The following ELMO1 variants were observed in gnomAD, a reference collection of about 807,000 sequenced individuals.
The protein encoded by ELMO1 is engulfment and cell motility 1.
A neutral mutation model predicts 98.9 loss-of-function variants in ELMO1; 26 were observed. The observed-to-expected ratio is 0.26, with a 90% CI of 0.19 to 0.36. The LOEUF (loss-of-function observed/expected upper bound fraction) is 0.36, where lower values mean the gene tolerates loss of function less well. Ranked by LOEUF, ELMO1 falls within the 10% of genes least tolerant of loss-of-function variation. The pLI is 1.00. For missense variants in ELMO1, 627 were observed against 935.2 expected (o/e 0.67, Z 4.30); for synonymous variants, 346 against 346.0 (o/e 1.00, Z 0.00).
intron 16 of ELMO1, among the ~76,000 whole-genome samples, chr7:36,978,609 G>T (rs1790782780): frequency 6.6e-6 from 1 of 152,116 alleles, no homozygotes. Flanking sequence ...AGATTTATGG[G>T]CCATCTGCTG....
intron 20 of ELMO1, among the ~76,000 whole-genome samples, chr7:36,862,600 C>G (rs1802723567): frequency 6.6e-6 from 1 of 152,196 alleles, no homozygotes; most frequent in African/African-American, 2.4e-5. Context: ...TCTGAGCGGT[C>G]AGCAGAAGAT....
At chr7:36,951,452 A>G (rs553413990) in intron 16 of ELMO1, among the ~76,000 whole-genome samples, 1 of 152,198 alleles carries the variant, frequency 6.6e-6, no homozygotes, top group Non-Finnish European at 1.5e-5. Flanking sequence ...TTTCCTCCAC[A>G]CTTCACATAC....
At chr7:37,280,463 G>A (rs1373353709) in intron 4 of ELMO1, among the ~76,000 whole-genome samples, 1 of 151,972 alleles carries the variant, frequency 6.6e-6, no homozygotes. Flanking sequence ...TATGAAAAAG[G>A]ATTGATATCC....
intron 1 of ELMO1, among the ~76,000 whole-genome samples, chr7:37,407,671 G>T (rs1023595232): frequency 5.3e-5 from 8 of 152,210 alleles, no homozygotes; most frequent in Non-Finnish European, 1.0e-4. Flanking sequence ...TATGCAGTGA[G>T]AGAGGGATGC....
At chr7:37,040,536 ACT>A (rs1795445883) in intron 15 of ELMO1, among the ~76,000 whole-genome samples, 1 of 152,116 alleles carries the variant, frequency 6.6e-6, no homozygotes. Context: ...GACACGCAGA[ACT>A]CTGTGGATGC....
At chr7:36,889,516 T>A (rs1217144598) in intron 17 of ELMO1, among the ~76,000 whole-genome samples, 1 of 152,166 alleles carries the variant, frequency 6.6e-6, no homozygotes, top group Non-Finnish European at 1.5e-5. Flanking sequence ...TACCAGAGGA[T>A]GGAGAAAATC....
chr7:36,977,640 G>T (rs1351152092), intron 16 of ELMO1, among the ~76,000 whole-genome samples: 1 of 152,206 alleles, frequency 6.6e-6, no homozygotes, highest in Non-Finnish European at 1.5e-5. Context: ...TCTCCTTGGA[G>T]GTTGCTTTGT....
intron 13 of ELMO1, among the ~76,000 whole-genome samples, chr7:37,164,716 T>C (rs1238344966): frequency 1.3e-5 from 2 of 150,126 alleles, no homozygotes; most frequent in Non-Finnish European, 3.0e-5. Context: ...TTGGTACCAG[T>C]ACCATGCTGT....
In ELMO1 at chr7:37,092,366, C is replaced by CTTTTTTTTTTTTTTTTTTTTTTTTTTT. The variant is rs537388417; in HGVS notation, c.1300+4226_1300+4252dup. Among the ~76,000 whole-genome samples, 3 of 68,916 alleles carry CTTTTTTTTTTTTTTTTTTTTTTTTTTT rather than the reference C, an allele frequency of 4.4e-5. 1 individual carries two copies. Among genetic ancestry groups the CTTTTTTTTTTTTTTTTTTTTTTTTTTT allele is most frequent in the African/African-American group, 1.4e-4 (3 of 21,970 alleles). 45.2% of individuals were successfully genotyped at this position (68,916 alleles called of 152,430 possible). ...ACTTGCAAAAAAAATTACCCATATT[C>CTTTTTTTTTTTTTTTTTTTTTTTTTTT]TTTTTTTTTTTTTTTTTTTTTTTTT... On this transcript the variant is annotated intron_variant, in intron 15 of 21. Transcript: ENST00000310758.
At chr7:37,302,858 G>A (rs1023398853) in intron 4 of ELMO1, among the ~76,000 whole-genome samples, 6 of 152,114 alleles carry the variant, frequency 3.9e-5, no homozygotes, top group Non-Finnish European at 8.8e-5. Flanking sequence ...ATAAATTATT[G>A]TAACTTGATT....
rs572246417 is a variant in ELMO1 at position 36,877,087 on chromosome 7, G to A, written c.1822+923C>T. 2.6e-5 allele frequency among the ~76,000 whole-genome samples: 4 copies of A among 152,284 alleles called. No homozygotes were observed. The East Asian group carries it at 7.7e-4, about 29-fold the overall frequency. ...TTCAATGGCCGTGAGCTGTGAGGAA[G>A]GTAATCCAGATTTGACTTCCATGGG... On this transcript the variant is annotated intron_variant, in intron 19 of 21. Coordinates refer to ENST00000310758, the MANE Select transcript of ELMO1 (RefSeq NM_014800.11).
intron 13 of ELMO1, among the ~76,000 whole-genome samples, chr7:37,206,632 A>T (rs1792638677): frequency 6.6e-6 from 1 of 152,224 alleles, no homozygotes; most frequent in African/African-American, 2.4e-5. Flanking sequence ...ATCTTCCATC[A>T]CCCAAGAAGG....
intron 4 of ELMO1, among the ~76,000 whole-genome samples, chr7:37,309,714 A>G (rs1376352643): frequency 6.6e-6 from 1 of 152,244 alleles, no homozygotes; most frequent in African/African-American, 2.4e-5. Flanking sequence ...TGATTTAAGC[A>G]AAGGGGCGGG....
intron 15 of ELMO1, among the ~76,000 whole-genome samples, chr7:37,083,304 G>T (rs1347254200): frequency 6.6e-6 from 1 of 152,176 alleles, no homozygotes; most frequent in Non-Finnish European, 1.5e-5. Flanking sequence ...AGTCTATTAA[G>T]CTTGCTGATT....
At chr7:37,166,225 C>T (rs1430624248) in intron 13 of ELMO1, among the ~76,000 whole-genome samples, 4 of 152,094 alleles carry the variant, frequency 2.6e-5, no homozygotes, top group Non-Finnish European at 4.4e-5. Flanking sequence ...TGATTCTTCT[C>T]TCTTTTTTTC....
At chr7:37,223,782 G>A (rs1793722729) in intron 9 of ELMO1, among the ~76,000 whole-genome samples, 1 of 152,180 alleles carries the variant, frequency 6.6e-6, no homozygotes, top group African/African-American at 2.4e-5. Flanking sequence ...CTCAGCTTCT[G>A]TGACTTAAAT....
chr7:37,143,986 C>T (rs1190227537), intron 13 of ELMO1, among the ~76,000 whole-genome samples: 1 of 152,108 alleles, frequency 6.6e-6, no homozygotes, highest in East Asian at 1.9e-4. Flanking sequence ...GCTGGGATTA[C>T]AAGTGTGAGC....
intron 13 of ELMO1, among the ~76,000 whole-genome samples, chr7:37,190,918 G>T (rs1053998551): frequency 6.6e-6 from 1 of 152,018 alleles, no homozygotes; most frequent in Admixed American, 6.6e-5. Flanking sequence ...GCCAGGCACG[G>T]TGGCTCAAGC....
Position 37,192,992 on chromosome 7 carries a change from T to G in ELMO1, c.1086+18394A>C, listed in dbSNP as rs912765178. ...GGAGATATATATATATATATATATA[T>G]ATATATATATATATATACACACACA... On this transcript the variant is annotated intron_variant, in intron 13 of 21. Coordinates refer to ENST00000310758, the MANE Select transcript of ELMO1 (RefSeq NM_014800.11). Among the ~76,000 whole-genome samples the G allele has an allele frequency of 3.5e-3, 248 of 71,718 alleles. 4 individuals carry two copies. The highest frequency in any genetic ancestry group is 0.013 in the Middle Eastern group (2 of 154). The allele number at this position is 71,718 out of a possible 152,430, so 47.0% of individuals were successfully genotyped here. A position where few individuals can be genotyped will look rare whatever the true frequency, so the allele number is the denominator to read the frequency against.
Sources: gnomAD v4.1 joint callset for allele counts (sites outside exome capture counted in the v4.1 genomes callset) on GRCh38, gnomAD v4.1.1 for gene constraint, MANE v1.5 for transcripts, NCBI Gene and HGNC (gene_info 2026-07-23, HGNC 2026-07-21) for gene names.